The following DLG2 variants were observed in gnomAD, a reference collection of about 807,000 sequenced individuals.
DLG2 encodes the protein discs large MAGUK scaffold protein 2, also known as disks large homolog 2.
Under a neutral mutation model 132.5 loss-of-function variants are expected in DLG2, and 45 were observed. The observed-to-expected ratio is 0.34, with a 90% CI of 0.27 to 0.44. DLG2 has a LOEUF of 0.44. DLG2 is among the 20% of genes least tolerant of loss of function. The pLI is 1.00. For missense variants in DLG2, 1,045 were observed against 1,196.9 expected, an observed-to-expected ratio of 0.87 and a Z score of 1.87; for synonymous variants, 424 against 419.6, an observed-to-expected ratio of 1.01 and a Z score of -0.13.
intron 4 of DLG2, among the ~76,000 whole-genome samples, chr11:85,166,053 C>A (rs996465655): frequency 1.3e-5 from 2 of 152,120 alleles, no homozygotes; most frequent in Non-Finnish European, 2.9e-5. Flanking sequence ...TTGTTAGAAT[C>A]TTTTTCTGAC....
intron 3 of DLG2, among the ~76,000 whole-genome samples, chr11:85,506,607 T>C (rs2093940277): frequency 1.3e-5 from 2 of 152,326 alleles, no homozygotes; most frequent in South Asian, 2.1e-4. Flanking sequence ...TCTGTTCTTT[T>C]ACATTTGCTG....
chr11:83,799,739 A>G (rs2043837061), intron 17 of DLG2, among the ~76,000 whole-genome samples: 1 of 152,170 alleles, frequency 6.6e-6, no homozygotes, highest in Non-Finnish European at 1.5e-5. Context: ...TTTGGGTGGG[A>G]GGATAATGTA....
chr11:83,705,671 T>C (rs908073487), intron 18 of DLG2, among the ~76,000 whole-genome samples: 2 of 152,172 alleles, frequency 1.3e-5, no homozygotes, highest in African/African-American at 2.4e-5. Flanking sequence ...TATAATCCTA[T>C]ATCAATTAAA....
At chr11:83,933,407 A>C (rs2080781082) in intron 14 of DLG2, among the ~76,000 whole-genome samples, 1 of 152,124 alleles carries the variant, frequency 6.6e-6, no homozygotes, top group Admixed American at 6.5e-5. Context: ...TAAACAAATC[A>C]TTTCTCTTGC....
intron 7 of DLG2, among the ~76,000 whole-genome samples, chr11:84,524,307 T>G (rs1178935047): frequency 6.6e-6 from 1 of 152,206 alleles, no homozygotes. Flanking sequence ...AACATTCCTT[T>G]CTTCCCGCTT....
intron 6 of DLG2, among the ~76,000 whole-genome samples, chr11:85,089,802 G>A (rs538449702): frequency 3.9e-5 from 6 of 152,114 alleles, no homozygotes; most frequent in South Asian, 2.1e-4. Flanking sequence ...ATACACAAGC[G>A]GCCAACAAAA....
chr11:85,442,913 A>C (rs924749957), intron 3 of DLG2, among the ~76,000 whole-genome samples: 9 of 152,086 alleles, frequency 5.9e-5, no homozygotes, highest in Non-Finnish European at 2.9e-5. Context: ...GAAGGGAAGA[A>C]GAAGAAAGAA....
intron 3 of DLG2, among the ~76,000 whole-genome samples, chr11:85,551,587 A>C (rs866333417): frequency 2.6e-5 from 4 of 152,230 alleles, no homozygotes; most frequent in South Asian, 2.1e-4. Context: ...TTTAAAAATT[A>C]CAAAAACATT....
intron 2 of DLG2, among the ~76,000 whole-genome samples, chr11:85,605,136 T>C (rs764927623): frequency 3.3e-5 from 5 of 152,216 alleles, no homozygotes; most frequent in Non-Finnish European, 7.3e-5. Flanking sequence ...AAAGAACTTT[T>C]AAATGCATTA....
intron 3 of DLG2, among the ~76,000 whole-genome samples, chr11:85,359,543 G>A (rs1474301854): frequency 6.6e-6 from 1 of 152,160 alleles, no homozygotes; most frequent in East Asian, 1.9e-4. Context: ...TGAGCACTGT[G>A]GGAGAAATAA....
chr11:84,506,106 A>C (rs531009537), intron 7 of DLG2, among the ~76,000 whole-genome samples: 27 of 78,864 alleles, frequency 3.4e-4, no homozygotes, highest in Admixed American at 1.8e-3. Flanking sequence ...GACGGAGTCT[A>C]GCTCTGTCGC....
chr11:85,375,991 G>T (rs747073706), intron 3 of DLG2, among the ~76,000 whole-genome samples: 10 of 152,128 alleles, frequency 6.6e-5, no homozygotes, highest in African/African-American at 2.4e-4. Flanking sequence ...AGTATACATA[G>T]ATATTAATAT....
chr11:84,150,489 C>G (rs1349205760), intron 9 of DLG2, among the ~76,000 whole-genome samples: 2 of 152,086 alleles, frequency 1.3e-5, no homozygotes, highest in Non-Finnish European at 2.9e-5. Context: ...TAGGGTTTTG[C>G]TAGATAGAGA....
At chr11:85,552,094 A>AG (rs2076698224) in intron 3 of DLG2, among the ~76,000 whole-genome samples, 1 of 146,300 alleles carries the variant, frequency 6.8e-6, no homozygotes, top group Non-Finnish European at 1.5e-5. Flanking sequence ...GGGACTTAAA[A>AG]GAAAAAAAAA....
intron 19 of DLG2, among the ~76,000 whole-genome samples, chr11:83,557,674 T>C (rs2096543200): frequency 6.6e-6 from 1 of 152,330 alleles, no homozygotes; most frequent in East Asian, 1.9e-4. Context: ...ATAACCGCAA[T>C]TGGCAGTGAA....
At chr11:83,513,167 T>C (rs761041017) in intron 21 of DLG2, among the ~76,000 whole-genome samples, 5 of 152,236 alleles carry the variant, frequency 3.3e-5, no homozygotes, top group Non-Finnish European at 7.3e-5. Context: ...AAAGTGTTCC[T>C]ATTTCTCCAC....
At chr11:84,542,018 A>T (rs1459262499) in intron 6 of DLG2, among the ~76,000 whole-genome samples, 2 of 152,208 alleles carry the variant, frequency 1.3e-5, no homozygotes, top group Non-Finnish European at 2.9e-5. Flanking sequence ...TAACTGATCC[A>T]GAAATTGGAA....
chr11:85,286,197 A>G lies in DLG2; in HGVS notation c.41-832T>C, dbSNP rs556901619. The G allele has an allele frequency of 5.9e-4, 227 of 382,296 alleles. 2 individuals carry two copies. Among genetic ancestry groups the G allele is most frequent in the South Asian group, 4.2e-3 (219 of 51,604 alleles). 23.7% of individuals were successfully genotyped at this position (382,296 alleles called of 1,614,324 possible). A position where few individuals can be genotyped will look rare whatever the true frequency, so the allele number is the denominator to read the frequency against. Reference sequence around the variant, plus strand: ...GGTAAACTTGTGTCCTGTTGGGTACAGATGAACAATTCTGAAAACACAATA... The same window carrying G: ...GGTAAACTTGTGTCCTGTTGGGTACGGATGAACAATTCTGAAAACACAATA... On this transcript the variant is annotated intron_variant, in intron 3 of 27. Coordinates refer to ENST00000376104, the MANE Select transcript of DLG2 (RefSeq NM_001142699.3).
chr11:84,636,467 G>T (rs139961675), intron 6 of DLG2, among the ~76,000 whole-genome samples: 53 of 152,280 alleles, frequency 3.5e-4, no homozygotes, highest in African/African-American at 1.2e-3. Context: ...TCTGTGAGTT[G>T]TGGAGAGTAA....
Sources: gnomAD v4.1 joint callset for allele counts (sites outside exome capture counted in the v4.1 genomes callset) on GRCh38, gnomAD v4.1.1 for gene constraint, MANE v1.5 for transcripts, NCBI Gene and HGNC (gene_info 2026-07-23, HGNC 2026-07-21) for gene names.